NRP1: variants seen among roughly 807,000 people sequenced by gnomAD.
NRP1 encodes neuropilin-1.
A neutral mutation model predicts 106.7 loss-of-function variants in NRP1; 35 were observed. That is an observed-to-expected ratio of 0.33 (90% CI 0.25 to 0.43). The LOEUF (loss-of-function observed/expected upper bound fraction) is 0.43. NRP1 is among the 20% of genes least tolerant of loss of function. NRP1 has a pLI of 1.00. For synonymous variants in NRP1, 437 were observed against 417.9 expected, an observed-to-expected ratio of 1.05 and a Z score of -0.56; for missense variants, 1,024 against 1,170.4, an observed-to-expected ratio of 0.87 and a Z score of 1.83.
At chr10:33,213,010 A>C in intron 9 of NRP1, 1 of 546,342 alleles carries the variant, frequency 1.8e-6, no homozygotes, top group South Asian at 2.7e-5. Flanking sequence ...CACTTAAACT[A>C]GGGGTAGGTT....
intron 2 of NRP1, among the ~76,000 whole-genome samples, chr10:33,303,067 G>C (rs918221917): frequency 6.6e-6 from 1 of 152,158 alleles, no homozygotes; most frequent in South Asian, 2.1e-4. Flanking sequence ...CAGGCAAAAA[G>C]CTGTCCCTCA....
chr10:33,299,781 G>A (rs74698922), intron 2 of NRP1, among the ~76,000 whole-genome samples: 131 of 152,152 alleles, frequency 8.6e-4, no homozygotes, highest in African/African-American at 2.9e-3. Context: ...GAGAGACCCC[G>A]TCTCTAAAAA....
intron 1 of NRP1, among the ~76,000 whole-genome samples, chr10:33,332,260 T>C (rs1203966324): frequency 6.6e-6 from 1 of 152,212 alleles, no homozygotes; most frequent in Non-Finnish European, 1.5e-5. Flanking sequence ...CTTGTAAAAG[T>C]GTAAGCTTTG....
chr10:33,209,459 T>C (rs958985651), intron 9 of NRP1, among the ~76,000 whole-genome samples: 1 of 152,146 alleles, frequency 6.6e-6, no homozygotes, highest in African/African-American at 2.4e-5. Flanking sequence ...ACAAACCATC[T>C]AGTCCAGTCT....
chr10:33,189,075 T>G (rs1836231535), intron 13 of NRP1, among the ~76,000 whole-genome samples: 1 of 151,526 alleles, frequency 6.6e-6, no homozygotes, highest in African/African-American at 2.4e-5. Flanking sequence ...CCCATCCTGT[T>G]TTCCTCCTGG....
chr10:33,318,398 C>T (rs1411792272), intron 2 of NRP1, among the ~76,000 whole-genome samples: 1 of 152,130 alleles, frequency 6.6e-6, no homozygotes, highest in Non-Finnish European at 1.5e-5. Flanking sequence ...CTCTTTTTCA[C>T]AGGGAGCTGC....
chr10:33,294,865 A>C (rs1845272895), intron 2 of NRP1, among the ~76,000 whole-genome samples: 2 of 152,082 alleles, frequency 1.3e-5, no homozygotes, highest in South Asian at 4.2e-4. Context: ...ATTAACAACA[A>C]ACACATCATG....
chr10:33,199,963 T>C (rs1837150367), intron 11 of NRP1, among the ~76,000 whole-genome samples: 1 of 152,200 alleles, frequency 6.6e-6, no homozygotes, highest in Non-Finnish European at 1.5e-5. Flanking sequence ...GCTAATCAAC[T>C]GCAGCACCAA....
chr10:33,196,347 T>C (rs766682965), intron 12 of NRP1, among the ~76,000 whole-genome samples: 10 of 152,140 alleles, frequency 6.6e-5, no homozygotes, highest in Non-Finnish European at 1.5e-4. Flanking sequence ...TCACCCCTCT[T>C]CCCTATCCCA....
intron 8 of NRP1, among the ~76,000 whole-genome samples, chr10:33,220,900 C>CAAAAAAAAAAA (rs35895871): frequency 4.9e-5 from 3 of 60,672 alleles, no homozygotes; most frequent in Non-Finnish European, 8.6e-5. Context: ...GGCTCAGTCT[C>CAAAAAAAAAAA]AAAAAAAAAA....
intron 11 of NRP1, chr10:33,201,168 T>C (rs941867344): frequency 1.3e-5 from 2 of 152,218 alleles, no homozygotes; most frequent in South Asian, 2.1e-4. Context: ...CCATTTTCTG[T>C]GGTTTGTAAC....
At chr10:33,253,827 G>C (rs571938601) in intron 6 of NRP1, among the ~76,000 whole-genome samples, 43 of 152,310 alleles carry the variant, frequency 2.8e-4, no homozygotes, top group African/African-American at 9.9e-4. Flanking sequence ...TTCTCTGATC[G>C]TGTAGCGATG....
intron 2 of NRP1, among the ~76,000 whole-genome samples, chr10:33,327,329 C>G (rs919133709): frequency 4.6e-5 from 7 of 152,092 alleles, no homozygotes; most frequent in African/African-American, 1.7e-4. Context: ...TTCCTATCTA[C>G]TACTTGATCC....
At chr10:33,204,887 A>C (rs1837639578) in intron 10 of NRP1, among the ~76,000 whole-genome samples, 1 of 151,942 alleles carries the variant, frequency 6.6e-6, no homozygotes, top group East Asian at 1.9e-4. Context: ...GCCCACCAAC[A>C]CACCCAGCTA....
chr10:33,310,766 TA>T (rs1369694495), intron 2 of NRP1, among the ~76,000 whole-genome samples: 1 of 152,126 alleles, frequency 6.6e-6, no homozygotes, highest in African/African-American at 2.4e-5. Context: ...TGGGAAGAAA[TA>T]AGCGTGAAAT....
chr10:33,332,022 A>C (rs536962959), intron 1 of NRP1, among the ~76,000 whole-genome samples: 2 of 152,354 alleles, frequency 1.3e-5, no homozygotes, highest in East Asian at 3.9e-4. Context: ...TGCTCTCAGC[A>C]TGAATTTATA....
chr10:33,334,399 C>A lies in NRP1; in HGVS notation c.-17G>T. Reference sequence around the variant, plus strand: ...CCTCTCCATTCTCCCTTCTCCGGGTCCGCAGGCAGACGCGGGAGAACGAGG... The same window carrying A: ...CCTCTCCATTCTCCCTTCTCCGGGTACGCAGGCAGACGCGGGAGAACGAGG... On this transcript the variant is annotated 5_prime_UTR_variant, in exon 1 of 17. Transcript: ENST00000374867. 1 of 1,543,058 alleles carries A rather than the reference C, an allele frequency of 6.5e-7. No homozygotes were observed. Among genetic ancestry groups the A allele is most frequent in the Non-Finnish European group, 8.7e-7 (1 of 1,146,492 alleles).
At chr10:33,317,170 T>C (rs1019884435) in intron 2 of NRP1, among the ~76,000 whole-genome samples, 11 of 152,212 alleles carry the variant, frequency 7.2e-5, no homozygotes, top group African/African-American at 2.4e-4. Context: ...CCATTTGAAA[T>C]GAAGAAGCGT....
intron 2 of NRP1, among the ~76,000 whole-genome samples, chr10:33,290,166 G>A (rs749462080): frequency 3.3e-5 from 5 of 152,084 alleles, no homozygotes; most frequent in African/African-American, 4.8e-5. Flanking sequence ...TATGTGATAC[G>A]TCTATATGTG....
Sources: allele counts gnomAD v4.1 joint callset (sites outside exome capture counted in the v4.1 genomes callset), GRCh38; gene constraint gnomAD v4.1.1; transcripts MANE v1.5; gene names NCBI Gene and HGNC (gene_info 2026-07-23, HGNC 2026-07-21).